Variants in PCID2 observed in about 807,000 individuals in gnomAD.
The protein encoded by PCID2 is PCI domain containing 2, also known as PCI domain-containing protein 2.
PCID2 carries 41 observed loss-of-function variants against 61.3 expected under a neutral mutation model. That is an observed-to-expected ratio of 0.67 (90% CI 0.52 to 0.87). PCID2 has a LOEUF of 0.87. PCID2 is among the 40% of genes least tolerant of loss of function. The pLI is 0.00. For missense variants in PCID2, 392 were observed against 493.4 expected (o/e 0.79, Z 1.95); for synonymous variants, 187 against 177.8 (o/e 1.05, Z -0.41).
intron 9 of PCID2, 123 bp downstream of exon 9, chr13:113,184,223 A>G (rs961742875): frequency 3.1e-6 from 3 of 960,968 alleles, no homozygotes; most frequent in Non-Finnish European, 4.7e-6. Flanking sequence ...ATATGTATAT[A>G]TAACTTGGTC....
the PCID2 span, among the ~76,000 whole-genome samples, chr13:113,170,100 C>T: frequency 2.6e-5 from 4 of 152,228 alleles, no homozygotes; most frequent in African/African-American, 4.8e-5. Flanking sequence ...TGAAAACCAT[C>T]ATTCCATAGA....
chr13:113,183,266 T>A (rs1311366989), intron 9 of PCID2, among the ~76,000 whole-genome samples: 3 of 152,210 alleles, frequency 2.0e-5, no homozygotes, highest in African/African-American at 7.2e-5. Flanking sequence ...TCTAAAGATG[T>A]CAGAAACTAT....
chr13:113,176,158 GGA>G (rs145560895), downstream of PCID2, among the ~76,000 whole-genome samples: 1,530 of 152,358 alleles, frequency 0.01, 21 homozygotes, highest in Non-Finnish European at 0.013. Flanking sequence ...CGCGCGGCCC[GGA>G]GAGAGAGAAA....
the PCID2 span, chr13:113,171,652 C>G: frequency 5.6e-6 from 9 of 1,614,126 alleles, no homozygotes; most frequent in Non-Finnish European, 7.6e-6. The surrounding 1 kb of genome is among the most constrained non-coding windows in gnomAD (Gnocchi z 5.1). Context: ...TCCATGTGCA[C>G]ATGCGGTATG....
At chr13:113,174,345 G>C (rs1345928858), downstream of PCID2, among the ~76,000 whole-genome samples, 3 of 152,112 alleles carry the variant, frequency 2.0e-5, no homozygotes, top group Admixed American at 6.6e-5. Context: ...ATCAGAGAAA[G>C]CTACAGGCCC....
chr13:113,170,378 CA>C, the PCID2 span: 13 of 1,313,968 alleles, frequency 9.9e-6, no homozygotes, highest in East Asian at 2.5e-4. Context: ...TGCAAATTGT[CA>C]CCAGCTATTT....
At chr13:113,200,401 C>A (rs3751413) in intron 2 of PCID2, 26 bp downstream of exon 2, 2 of 1,394,558 alleles carry the variant, frequency 1.4e-6, no homozygotes, top group East Asian at 2.3e-5. Flanking sequence ...TCTGCAGACA[C>A]CTGTGTGCAC....
In PCID2 at chr13:113,200,320, G is replaced by A. The variant is rs78985243; in HGVS notation, c.126+107C>T. On this transcript the variant is annotated intron_variant, in intron 2 of 13. Transcript: ENST00000337344. ...AAGAAACTTTAAAATTTTCAAATAA[G>A]AGTGACAATATTAGTTTTCTTCTTA... is the stretch of plus-strand genomic sequence containing the variant. 102 of 709,202 alleles carry A rather than the reference G, an allele frequency of 1.4e-4. No homozygotes were observed. In the East Asian group the frequency reaches 1.5e-3, roughly 11 times the overall value. The allele number at this position is 709,202 out of a possible 1,614,324, so 43.9% of individuals were successfully genotyped here.
downstream of PCID2, among the ~76,000 whole-genome samples, chr13:113,176,333 CTG>C (rs2037184674): frequency 6.6e-6 from 1 of 152,246 alleles, no homozygotes; most frequent in African/African-American, 2.4e-5. Context: ...GGGGACTAAA[CTG>C]TGTCCCCCAA....
intron 6 of PCID2, among the ~76,000 whole-genome samples, chr13:113,193,990 G>C (rs185760570): frequency 6.6e-6 from 1 of 152,146 alleles, no homozygotes; most frequent in Non-Finnish European, 1.5e-5. Context: ...ACTACCTGAC[G>C]AGACTATGGA....
intron 1 of PCID2, among the ~76,000 whole-genome samples, chr13:113,203,639 C>T (rs566108449): frequency 1.3e-5 from 2 of 152,202 alleles, no homozygotes; most frequent in Non-Finnish European, 2.9e-5. Context: ...GGAGGCTTTC[C>T]GGTGTCCCCT....
At chr13:113,171,749 CCT>C in the PCID2 span, 188 of 1,612,108 alleles carry the variant, frequency 1.2e-4, no homozygotes, top group South Asian at 8.7e-4. This position sits in a 1 kb window ranked among gnomAD's most constrained non-coding sequence, Gnocchi z 5.1. Context: ...CGTGTGCACC[CCT>C]GAGAAAGACT....
chr13:113,169,316 A>G, the PCID2 span, among the ~76,000 whole-genome samples: 1 of 152,244 alleles, frequency 6.6e-6, no homozygotes, highest in Non-Finnish European at 1.5e-5. Context: ...GTTTTTAAAA[A>G]TACGTATTTT....
At chr13:113,208,492 G>A in intron 1 of PCID2, 107 bp downstream of exon 1, 3 of 1,544,664 alleles carry the variant, frequency 1.9e-6, no homozygotes. Flanking sequence ...CGGAAGAAGG[G>A]TGGCGAGGCG....
At chr13:113,187,976 G>A (rs2138756880) in intron 7 of PCID2, 1 of 152,386 alleles carries the variant, frequency 6.6e-6, no homozygotes, top group African/African-American at 2.4e-5. Context: ...TATTCATTTA[G>A]GAAACACGGA....
rs2037558876 is a variant in PCID2 at position 113,180,763 on chromosome 13, C to T, written c.786+367G>A. Among the ~76,000 whole-genome samples the T allele has an allele frequency of 2.6e-5, 4 of 152,280 alleles. No individual in the cohort carries two copies. In the South Asian group the frequency reaches 8.3e-4, roughly 32 times the overall value. On this transcript the variant is annotated intron_variant, in intron 10 of 13. Transcript: ENST00000337344. The stretch of plus-strand genomic sequence containing the variant: ...TACATTTTAGTAACTAAATGAAATA[C>T]CCACAGAGAGGGTGAAATGACATTT...
chr13:113,196,716 T>C (rs1228937967), intron 4 of PCID2, among the ~76,000 whole-genome samples: 2 of 152,236 alleles, frequency 1.3e-5, no homozygotes, highest in Non-Finnish European at 2.9e-5. Context: ...ACTCACTGAC[T>C]CAGGCCGTAA....
the PCID2 span, chr13:113,166,272 A>C: frequency 6.6e-6 from 1 of 152,252 alleles, no homozygotes; most frequent in African/African-American, 2.4e-5. Context: ...CCATGTAATG[A>C]ATATAAACAT....
intron 1 of PCID2, among the ~76,000 whole-genome samples, chr13:113,207,445 G>T (rs557325965): frequency 1.3e-5 from 2 of 152,216 alleles, no homozygotes; most frequent in African/African-American, 4.8e-5. Flanking sequence ...ACTGATATTG[G>T]AAAATGTTAA....
Sources: allele counts gnomAD v4.1 joint callset (sites outside exome capture counted in the v4.1 genomes callset), GRCh38; gene constraint gnomAD v4.1.1; non-coding constraint Gnocchi (gnomAD v3.1); transcripts MANE v1.5; gene names NCBI Gene and HGNC (gene_info 2026-07-23, HGNC 2026-07-21).